The following CBLN2 variants were observed in gnomAD, a reference collection of about 807,000 sequenced individuals.
The protein encoded by CBLN2 is cerebellin 2 precursor.
In CBLN2, 7 loss-of-function variants were observed where a neutral mutation model predicts 15.0. The observed-to-expected ratio is 0.47, with a 90% CI of 0.27 to 0.88. The LOEUF (loss-of-function observed/expected upper bound fraction) is 0.88, where lower values mean the gene tolerates loss of function less well. Among genes scored for constraint, CBLN2 ranks in the 40% least tolerant of loss-of-function variants. The pLI, the probability that CBLN2 is intolerant of heterozygous loss-of-function variation, is 0.14. For synonymous variants in CBLN2, 149 were observed against 135.2 expected, an observed-to-expected ratio of 1.10 and a Z score of -0.71; for missense variants, 242 against 304.5, an observed-to-expected ratio of 0.79 and a Z score of 1.53.
intron 1 of CBLN2, among the ~76,000 whole-genome samples, chr18:72,635,894 G>C (rs1387422562): frequency 6.6e-6 from 1 of 152,066 alleles, no homozygotes; most frequent in East Asian, 1.9e-4. Flanking sequence ...AAAAATAAAA[G>C]ACAGTATAAA....
chr18:72,636,819 T>C (rs2069816004), intron 1 of CBLN2, among the ~76,000 whole-genome samples: 1 of 152,158 alleles, frequency 6.6e-6, no homozygotes, highest in African/African-American at 2.4e-5. Context: ...AAGATACATT[T>C]GTAACACCCT....
intron 3 of CBLN2, chr18:72,540,431 C>G (rs2069100235): frequency 6.6e-6 from 1 of 152,086 alleles, no homozygotes; most frequent in Admixed American, 6.6e-5. Flanking sequence ...TTATCCTGCC[C>G]TACATCACAG....
intron 1 of CBLN2, among the ~76,000 whole-genome samples, chr18:72,549,805 T>G (rs1172287892): frequency 6.6e-6 from 1 of 152,202 alleles, no homozygotes; most frequent in Non-Finnish European, 1.5e-5. Flanking sequence ...ATAAGATTAT[T>G]CTATCAGGGG....
chr18:72,547,888 C>A (rs1244176805), upstream of CBLN2, among the ~76,000 whole-genome samples: 4 of 152,178 alleles, frequency 2.6e-5, no homozygotes, highest in African/African-American at 9.7e-5. Flanking sequence ...CATACATAAC[C>A]ATTTCAGCTT....
Position 72,538,665 on chromosome 18 carries a change from T to C in CBLN2, c.465A>G (p.Arg155=), listed in dbSNP as rs779968940. 1.2e-6 allele frequency: 2 copies of C among 1,613,868 alleles called. No homozygotes were observed. Among genetic ancestry groups the C allele is most frequent in the South Asian group, 1.1e-5 (1 of 91,068 alleles). The part of the protein sequence containing the change: ...FSFHVVKVYN[R]QTIQVSLMQN... ...CAAATCTACCCACCTGGATGGTTTG[T>C]CTGTTATACACTTTGACCACGTGGA... The change falls in exon 4 of 5, where the codon AGA becomes AGG. Residue 155 remains arginine, a synonymous_variant. Transcript: ENST00000269503.
intron 1 of CBLN2, among the ~76,000 whole-genome samples, chr18:72,561,522 T>C (rs1191261486): frequency 6.6e-6 from 1 of 152,150 alleles, no homozygotes; most frequent in African/African-American, 2.4e-5. Flanking sequence ...CCTCTGAAGA[T>C]TTGGCACAAT....
At chr18:72,585,896 G>T (rs1161346748) in intron 1 of CBLN2, among the ~76,000 whole-genome samples, 1 of 152,230 alleles carries the variant, frequency 6.6e-6, no homozygotes, top group Non-Finnish European at 1.5e-5. Flanking sequence ...GTGCCCACAT[G>T]GCCAGCTTGC....
chr18:72,579,401 C>T (rs998761991), intron 1 of CBLN2, among the ~76,000 whole-genome samples: 1 of 152,008 alleles, frequency 6.6e-6, no homozygotes, highest in Non-Finnish European at 1.5e-5. Flanking sequence ...TAGCAATTTC[C>T]AATTTCAAAA....
intron 1 of CBLN2, chr18:72,618,913 G>A: frequency 8.2e-6 from 6 of 730,778 alleles, no homozygotes; most frequent in Non-Finnish European, 1.5e-5. Flanking sequence ...TGACAACTTT[G>A]GTCATGGAGG....
chr18:72,545,790 G>GT (rs1476200869), upstream of CBLN2, among the ~76,000 whole-genome samples: 1 of 152,282 alleles, frequency 6.6e-6, no homozygotes, highest in South Asian at 2.1e-4. Flanking sequence ...TCACACATCT[G>GT]TAAGTCCTTA....
intron 1 of CBLN2, among the ~76,000 whole-genome samples, chr18:72,579,314 A>G (rs747347492): frequency 1.3e-5 from 2 of 152,254 alleles, no homozygotes; most frequent in Admixed American, 6.5e-5. Flanking sequence ...ATAACTCGCC[A>G]TAATTAAAAT....
chr18:72,619,496 T>C (rs1023030955), intron 1 of CBLN2, among the ~76,000 whole-genome samples: 1 of 152,222 alleles, frequency 6.6e-6, no homozygotes, highest in African/African-American at 2.4e-5. Flanking sequence ...TGATTTTTTG[T>C]ACCCATGCTG....
At chr18:72,547,726 C>A (rs973663143), upstream of CBLN2, among the ~76,000 whole-genome samples, 1 of 151,796 alleles carries the variant, frequency 6.6e-6, no homozygotes, top group Non-Finnish European at 1.5e-5. Flanking sequence ...AAAACTTGTG[C>A]TTTTGTATCT....
At chr18:72,602,282 T>C (rs1360733080) in intron 1 of CBLN2, among the ~76,000 whole-genome samples, 3 of 152,202 alleles carry the variant, frequency 2.0e-5, no homozygotes, top group African/African-American at 4.8e-5. Flanking sequence ...GAGGGGATGG[T>C]GGACGGCAAA....
chr18:72,577,917 T>G (rs1247112267), intron 1 of CBLN2, among the ~76,000 whole-genome samples: 1 of 152,222 alleles, frequency 6.6e-6, no homozygotes, highest in Non-Finnish European at 1.5e-5. Context: ...CTTTCAAGTC[T>G]CATTCTGATC....
chr18:72,627,041 T>C (rs2069744565), intron 1 of CBLN2, among the ~76,000 whole-genome samples: 1 of 152,240 alleles, frequency 6.6e-6, no homozygotes, highest in African/African-American at 2.4e-5. Context: ...ACATCCATAT[T>C]GTGTCAGGCA....
At chr18:72,578,681 C>T (rs989829835) in intron 1 of CBLN2, among the ~76,000 whole-genome samples, 1 of 152,058 alleles carries the variant, frequency 6.6e-6, no homozygotes, top group African/African-American at 2.4e-5. Context: ...TATTACCAGG[C>T]TATTTACTAC....
chr18:72,596,522 A>G (rs1186264628), intron 1 of CBLN2, among the ~76,000 whole-genome samples: 1 of 152,132 alleles, frequency 6.6e-6, no homozygotes, highest in Non-Finnish European at 1.5e-5. Context: ...TGAATTTTTT[A>G]CCTTCAGATG....
chr18:72,552,793 A>G (rs148480732), intron 1 of CBLN2, among the ~76,000 whole-genome samples: 105 of 152,358 alleles, frequency 6.9e-4, no homozygotes, highest in Middle Eastern at 3.4e-3. Context: ...CAGAAAATAG[A>G]CATTGAATAA....
Sources: gnomAD v4.1 joint callset for allele counts (sites outside exome capture counted in the v4.1 genomes callset) on GRCh38, gnomAD v4.1.1 for gene constraint, MANE v1.5 for transcripts, NCBI Gene and HGNC (gene_info 2026-07-23, HGNC 2026-07-21) for gene names.